The following NUDCD3 variants were observed in gnomAD, a reference collection of about 807,000 sequenced individuals.
NUDCD3 encodes the protein NudC domain containing 3, also known as nudC domain-containing protein 3.
NUDCD3 carries 13 observed loss-of-function variants against 39.7 expected under a neutral mutation model. The ratio of observed to expected loss-of-function variants is 0.33; its 90% CI spans 0.21 to 0.52. The LOEUF (loss-of-function observed/expected upper bound fraction) is 0.52. Ranked by LOEUF, NUDCD3 falls within the 20% of genes least tolerant of loss-of-function variation. The probability of loss-of-function intolerance (pLI) is 0.96; values close to 1 mark genes in which losing one functional copy is unlikely to be tolerated. For missense variants in NUDCD3, 453 were observed against 458.1 expected (o/e 0.99, Z 0.10); for synonymous variants, 175 against 172.4 (o/e 1.02, Z -0.12).
At chr7:44,452,639 GGGA>G (rs1799815824) in intron 2 of NUDCD3, among the ~76,000 whole-genome samples, 1 of 152,072 alleles carries the variant, frequency 6.6e-6, no homozygotes, top group African/African-American at 2.4e-5. Context: ...AAATGTTTTT[GGGA>G]GAGGAAAAAA....
At chr7:44,481,792 C>A (rs1800496887) in intron 2 of NUDCD3, among the ~76,000 whole-genome samples, 1 of 152,168 alleles carries the variant, frequency 6.6e-6, no homozygotes, top group African/African-American at 2.4e-5. Context: ...AAATCTTAAT[C>A]CCAAGATATT....
chr7:44,456,417 A>G (rs1799902777), intron 2 of NUDCD3, among the ~76,000 whole-genome samples: 1 of 152,224 alleles, frequency 6.6e-6, no homozygotes, highest in African/African-American at 2.4e-5. Flanking sequence ...AAACTCGAGC[A>G]AACTCCTTGT....
chr7:44,421,663 C>T (rs1226972356), intron 3 of NUDCD3, among the ~76,000 whole-genome samples: 3 of 152,112 alleles, frequency 2.0e-5, no homozygotes, highest in Non-Finnish European at 4.4e-5. Context: ...CACCCAGATT[C>T]ATAAAACAAG....
intron 2 of NUDCD3, among the ~76,000 whole-genome samples, chr7:44,483,585 T>C (rs555510074): frequency 1.3e-5 from 2 of 152,292 alleles, no homozygotes; most frequent in East Asian, 3.9e-4. Context: ...CTGCTCCCCT[T>C]CTCCATCAGC....
chr7:44,453,344 C>T (rs893656966), intron 2 of NUDCD3, among the ~76,000 whole-genome samples: 48 of 151,716 alleles, frequency 3.2e-4, no homozygotes, highest in African/African-American at 1.1e-3. Context: ...CAGAGTGAGA[C>T]TTCATCTCAA....
intron 2 of NUDCD3, among the ~76,000 whole-genome samples, chr7:44,438,476 T>A (rs1189341994): frequency 6.6e-6 from 1 of 152,100 alleles, no homozygotes; most frequent in Non-Finnish European, 1.5e-5. Context: ...ATCCACAGCT[T>A]ACACCCTAGA....
chr7:44,400,472 G>A (rs967103338), intron 4 of NUDCD3, among the ~76,000 whole-genome samples: 21 of 152,312 alleles, frequency 1.4e-4, no homozygotes, highest in East Asian at 9.7e-4. Context: ...TGGCAGCAGC[G>A]CAGCTCTGGA....
At chr7:44,451,327 G>C (rs1455490660) in intron 2 of NUDCD3, among the ~76,000 whole-genome samples, 1 of 152,170 alleles carries the variant, frequency 6.6e-6, no homozygotes, top group Admixed American at 6.5e-5. Flanking sequence ...CAAAGACTGG[G>C]AGCACGGGGA....
intron 2 of NUDCD3, among the ~76,000 whole-genome samples, chr7:44,457,148 G>A (rs546492665): frequency 6.6e-6 from 1 of 152,258 alleles, no homozygotes; most frequent in African/African-American, 2.4e-5. Flanking sequence ...ACTTTCTAGC[G>A]AGGTTACTAG....
intron 2 of NUDCD3, among the ~76,000 whole-genome samples, chr7:44,474,675 A>G (rs566477714): frequency 6.6e-6 from 1 of 152,358 alleles, no homozygotes; most frequent in East Asian, 1.9e-4. Context: ...CTAAAAATGA[A>G]GCATATAACC....
intron 2 of NUDCD3, among the ~76,000 whole-genome samples, chr7:44,437,074 T>C (rs373635118): frequency 4.1e-3 from 596 of 146,894 alleles, no homozygotes; most frequent in Non-Finnish European, 5.6e-3. Flanking sequence ...CTTTTCTTTT[T>C]TTTTTTTTTT....
intron 2 of NUDCD3, among the ~76,000 whole-genome samples, chr7:44,439,382 C>A (rs942776368): frequency 4.6e-5 from 7 of 152,126 alleles, no homozygotes; most frequent in African/African-American, 1.7e-4. Flanking sequence ...AGTAAACACA[C>A]ATCCATGTCC....
intron 2 of NUDCD3, chr7:44,468,062 C>T: frequency 6.2e-7 from 1 of 1,612,446 alleles, no homozygotes; most frequent in East Asian, 2.2e-5. Flanking sequence ...GATCTTGATG[C>T]CCAACATTGG....
At chr7:44,440,704 C>T (rs756917902) in intron 2 of NUDCD3, among the ~76,000 whole-genome samples, 1 of 152,174 alleles carries the variant, frequency 6.6e-6, no homozygotes, top group Non-Finnish European at 1.5e-5. Flanking sequence ...GAATCCTGGG[C>T]TTCAGCTCAT....
At chr7:44,423,828 A>G (rs1799186330) in intron 3 of NUDCD3, among the ~76,000 whole-genome samples, 2 of 152,374 alleles carry the variant, frequency 1.3e-5, no homozygotes, top group South Asian at 4.1e-4. Context: ...AACAGCCCAC[A>G]TAGCCAAGAC....
chr7:44,414,719 C>A (rs369637118), intron 3 of NUDCD3, among the ~76,000 whole-genome samples: 1 of 152,138 alleles, frequency 6.6e-6, no homozygotes, highest in African/African-American at 2.4e-5. Flanking sequence ...ATAATGCAGT[C>A]TATTAGTCTT....
At chr7:44,386,402 A>G (rs946871782) in intron 5 of NUDCD3, among the ~76,000 whole-genome samples, 1 of 152,160 alleles carries the variant, frequency 6.6e-6, no homozygotes, top group Non-Finnish European at 1.5e-5. Flanking sequence ...TTTATGGTTC[A>G]TCTTGTCCCT....
At chr7:44,458,221 C>G (rs1323813841) in intron 2 of NUDCD3, among the ~76,000 whole-genome samples, 1 of 152,210 alleles carries the variant, frequency 6.6e-6, no homozygotes, top group Non-Finnish European at 1.5e-5. Flanking sequence ...ACAAAGGCCA[C>G]ATAATGTATT....
chr7:44,391,237 A>G (rs1437010196), intron 5 of NUDCD3, among the ~76,000 whole-genome samples: 2 of 152,188 alleles, frequency 1.3e-5, no homozygotes, highest in Admixed American at 6.5e-5. Flanking sequence ...TGTGTGTACT[A>G]AGTGCTCAGG....
Sources: allele counts gnomAD v4.1 joint callset (sites outside exome capture counted in the v4.1 genomes callset), GRCh38; gene constraint gnomAD v4.1.1; transcripts MANE v1.5; gene names NCBI Gene and HGNC (gene_info 2026-07-23, HGNC 2026-07-21).